Variants in CTIF observed in about 807,000 individuals in gnomAD.
The protein encoded by CTIF is CBP80/20-dependent translation initiation factor.
Under a neutral mutation model 66.0 loss-of-function variants are expected in CTIF, and 21 were observed. The ratio of observed to expected loss-of-function variants is 0.32; its 90% CI spans 0.23 to 0.46. CTIF has a LOEUF of 0.46. CTIF is among the 20% of genes least tolerant of loss of function. The probability of loss-of-function intolerance (pLI) is 1.00; values close to 1 mark genes in which losing one functional copy is unlikely to be tolerated. For synonymous variants in CTIF, 345 were observed against 326.4 expected, an observed-to-expected ratio of 1.06 and a Z score of -0.62; for missense variants, 739 against 812.7, an observed-to-expected ratio of 0.91 and a Z score of 1.10.
At chr18:48,815,484 C>T (rs1480683716) in intron 9 of CTIF, among the ~76,000 whole-genome samples, 1 of 152,234 alleles carries the variant, frequency 6.6e-6, no homozygotes, top group Non-Finnish European at 1.5e-5. Context: ...CAAATAGCAG[C>T]TGCTGCTGTT....
At chr18:48,726,370 C>A (rs1267692152) in intron 7 of CTIF, among the ~76,000 whole-genome samples, 1 of 152,096 alleles carries the variant, frequency 6.6e-6, no homozygotes, top group Non-Finnish European at 1.5e-5. Context: ...ATTATGTCAC[C>A]CAGTTTCCAA....
intron 9 of CTIF, among the ~76,000 whole-genome samples, chr18:48,773,729 GCCCCAC>G (rs1910394153): frequency 6.6e-6 from 1 of 152,186 alleles, no homozygotes; most frequent in Non-Finnish European, 1.5e-5. Context: ...CGCACAGGGT[GCCCCAC>G]CCCCGGCCCT....
chr18:48,626,000 C>CTTTCT, intron 2 of CTIF, among the ~76,000 whole-genome samples: 1 of 109,140 alleles, frequency 9.2e-6, no homozygotes, highest in South Asian at 3.2e-4. Context: ...CTTTTTCTTT[C>CTTTCT]TTTTTTTTTT....
At chr18:48,664,616 C>T in intron 5 of CTIF, 65 bp downstream of exon 5, 1 of 1,397,830 alleles carries the variant, frequency 7.2e-7, no homozygotes, top group Non-Finnish European at 1.0e-6. Flanking sequence ...GCCTTTGCCT[C>T]CACAGGGAGG....
In CTIF at chr18:48,636,681, A is replaced by G; in HGVS notation, c.248A>G (p.Gln83Arg). 1 of 1,596,672 alleles carries G rather than the reference A, an allele frequency of 6.3e-7. No homozygotes were observed. The highest frequency in any genetic ancestry group is 8.5e-7 in the Non-Finnish European group (1 of 1,173,210). Residue 83 changes from glutamine to arginine, a missense_variant, in exon 3 of 12, where the codon CAG (glutamine) becomes CGG (arginine). Around this residue, in one of 2 missense-constraint regions of CTIF, gnomAD observed 529 missense variants for 520.3 expected, o/e 1.02. Coordinates refer to ENST00000256413, the MANE Select transcript of CTIF (RefSeq NM_014772.3). Reference protein sequence around the residue: ...CSFSRGRAPPQQNGSKDNSLD... With the variant: ...CSFSRGRAPPRQNGSKDNSLD... ...TTCTCCCGAGGGCGAGCCCCCCCACAGCAGGTAGGGAACCAGCTCTGCGCT... is the reference window on the plus strand; with the variant it reads ...TTCTCCCGAGGGCGAGCCCCCCCACGGCAGGTAGGGAACCAGCTCTGCGCT...
At chr18:48,815,659 G>A (rs530892873) in intron 9 of CTIF, among the ~76,000 whole-genome samples, 1 of 152,320 alleles carries the variant, frequency 6.6e-6, no homozygotes, top group South Asian at 2.1e-4. Flanking sequence ...GCCACCTGAG[G>A]AGACCAAGGC....
intron 10 of CTIF, chr18:48,834,609 G>GA: frequency 6.6e-6 from 1 of 152,554 alleles, no homozygotes; most frequent in Non-Finnish European, 1.5e-5. Context: ...TCATTAGGGG[G>GA]ATCCCACACT....
intron 1 of CTIF, among the ~76,000 whole-genome samples, chr18:48,599,882 C>T (rs914397263): frequency 5.3e-5 from 8 of 152,166 alleles, no homozygotes; most frequent in African/African-American, 1.9e-4. Context: ...CAGAGGGTGC[C>T]GTGACCCAGC....
intron 2 of CTIF, among the ~76,000 whole-genome samples, chr18:48,626,592 C>CG (rs36129954): frequency 0.15 from 22,663 of 150,274 alleles, 1,845 homozygotes; most frequent in South Asian, 0.26. Context: ...GTGATCCCCT[C>CG]CCATGGCCTC....
intron 9 of CTIF, among the ~76,000 whole-genome samples, chr18:48,763,150 G>C (rs1470274058): frequency 6.6e-6 from 1 of 152,232 alleles, no homozygotes; most frequent in Non-Finnish European, 1.5e-5. Flanking sequence ...AGGGGAGTCA[G>C]GGACAGCATC....
chr18:48,741,366 C>G (rs902536677), intron 7 of CTIF, among the ~76,000 whole-genome samples: 1 of 149,844 alleles, frequency 6.7e-6, no homozygotes, highest in Admixed American at 6.6e-5. Flanking sequence ...ACCCTGTGTC[C>G]TGCCAGCTCT....
intron 7 of CTIF, among the ~76,000 whole-genome samples, chr18:48,737,827 A>T (rs1177432114): frequency 1.3e-5 from 2 of 152,234 alleles, no homozygotes; most frequent in Admixed American, 6.5e-5. Flanking sequence ...ATCTGACCTT[A>T]CAACCATGTT....
intron 10 of CTIF, among the ~76,000 whole-genome samples, chr18:48,853,948 C>A (rs915713981): frequency 6.6e-6 from 1 of 152,180 alleles, no homozygotes; most frequent in Non-Finnish European, 1.5e-5. Flanking sequence ...AACTTTGGCT[C>A]CAGCTCTCCG....
At chr18:48,849,685 A>G (rs1185739804) in intron 10 of CTIF, among the ~76,000 whole-genome samples, 3 of 148,940 alleles carry the variant, frequency 2.0e-5, no homozygotes, top group Admixed American at 6.8e-5. Flanking sequence ...TCCTGGGTTC[A>G]AGCAATTCTC....
At chr18:48,742,922 C>T (rs2092567106) in intron 7 of CTIF, among the ~76,000 whole-genome samples, 1 of 152,202 alleles carries the variant, frequency 6.6e-6, no homozygotes, top group African/African-American at 2.4e-5. Flanking sequence ...GGACTTGGCC[C>T]CTCCACCAGT....
chr18:48,859,625 A>G lies in CTIF; in HGVS notation c.*66A>G. 1 of 1,473,422 alleles carries G rather than the reference A, an allele frequency of 6.8e-7. No homozygotes were observed. The allele number at this position is 1,473,422 out of a possible 1,614,324, so 91.3% of individuals were successfully genotyped here. On this transcript the variant is annotated 3_prime_UTR_variant, in exon 12 of 12. Coordinates refer to ENST00000256413, the MANE Select transcript of CTIF (RefSeq NM_014772.3). ...CCCTGGTGCACAGGGCCAGATGGAC[A>G]GGCGGGAGGACAGGGGTGGCCCTGG... is the stretch of plus-strand genomic sequence containing the variant.
intron 3 of CTIF, among the ~76,000 whole-genome samples, chr18:48,646,537 A>G (rs1245025394): frequency 4.6e-5 from 7 of 152,028 alleles, no homozygotes; most frequent in Non-Finnish European, 8.8e-5. Context: ...GCCTAAGGCC[A>G]GGAGTTCGAG....
In CTIF at chr18:48,860,753, C is replaced by T. The variant is rs1003566059; in HGVS notation, c.*1194C>T. The T allele has an allele frequency of 2.0e-5, 3 of 152,264 alleles. No individual in the cohort carries two copies. Among genetic ancestry groups the T allele is most frequent in the South Asian group, 2.1e-4 (1 of 4,828 alleles). 9.4% of individuals were successfully genotyped at this position (152,264 alleles called of 1,614,324 possible). ...GCTCGGACGTAGAAGCCCAGCCCTC[C>T]GTGAGCTCTTGGGAAAGGGGTGAAT... On this transcript the variant is annotated 3_prime_UTR_variant, in exon 12 of 12. Coordinates refer to ENST00000256413, the MANE Select transcript of CTIF (RefSeq NM_014772.3).
At chr18:48,556,599 C>T (rs574539158) in intron 1 of CTIF, among the ~76,000 whole-genome samples, 1 of 152,288 alleles carries the variant, frequency 6.6e-6, no homozygotes, top group South Asian at 2.1e-4. Context: ...GAGTCTCACC[C>T]TGTTGCCCAG....
Sources: allele counts gnomAD v4.1 joint callset (sites outside exome capture counted in the v4.1 genomes callset), GRCh38; gene constraint gnomAD v4.1.1; regional missense constraint gnomAD v4.1.1; transcripts MANE v1.5; gene names NCBI Gene and HGNC (gene_info 2026-07-23, HGNC 2026-07-21).